The following NOB1 variants were observed in gnomAD, a reference collection of about 807,000 sequenced individuals.
The protein encoded by NOB1 is RNA-binding protein NOB1.
In NOB1, 44 loss-of-function variants were observed where a neutral mutation model predicts 44.8. The observed-to-expected ratio is 0.98, with a 90% CI of 0.77 to 1.26. The LOEUF (loss-of-function observed/expected upper bound fraction) is 1.26, where lower values mean the gene tolerates loss of function less well. Among genes scored for constraint, NOB1 ranks in the 50% most tolerant of loss-of-function variants. NOB1 has a pLI of 0.00. For synonymous variants in NOB1, 238 were observed against 218.7 expected (o/e 1.09, Z -0.78); for missense variants, 560 against 544.8 (o/e 1.03, Z -0.28).
chr16:69,748,432 G>C (rs1009154906), intron 6 of NOB1, 103 bp from the exon 7 acceptor site: 3 of 1,093,586 alleles, frequency 2.7e-6, no homozygotes, highest in Non-Finnish European at 4.0e-6. Context: ...ATATTCCTTG[G>C]CTTTTGCGAA....
chr16:69,749,506 T>C (rs1450076825), intron 4 of NOB1, 53 bp downstream of exon 4: 6 of 1,558,366 alleles, frequency 3.9e-6, no homozygotes, highest in Admixed American at 3.5e-5. Flanking sequence ...CTTAGAGAGA[T>C]GTGACATGTT....
In NOB1 at chr16:69,742,113, C is replaced by T. The variant is rs552457141; in HGVS notation, c.*219G>A. 3 of 516,606 alleles carry T rather than the reference C, an allele frequency of 5.8e-6. No individual in the cohort carries two copies. The highest frequency in any genetic ancestry group is 1.9e-5 in the African/African-American group (1 of 52,002). 32.0% of individuals were successfully genotyped at this position (516,606 alleles called of 1,614,324 possible). ...TGTTCTTTCTGTTTTTATGCAATTG[C>T]ACTTCCTTGGCAGGCAGCCAGGCGC... On this transcript the variant is annotated 3_prime_UTR_variant, in exon 9 of 9. Transcript: ENST00000268802.
chr16:69,749,176 T>A (rs943770299), intron 5 of NOB1, 37 bp downstream of exon 5: 3 of 1,613,114 alleles, frequency 1.9e-6, no homozygotes, highest in African/African-American at 2.7e-5. Context: ...GAGGAGAAGT[T>A]GAGCTGTCGT....
chr16:69,749,155 C>A, intron 5 of NOB1, 37 bp from the exon 6 acceptor site: 1 of 1,612,246 alleles, frequency 6.2e-7, no homozygotes, highest in South Asian at 1.1e-5. Flanking sequence ...TCCCAACCCA[C>A]AGGAGCAGTG....
rs202231111 is a variant in NOB1, at chr16:69,742,537, C to A, written c.1034G>T (p.Arg345Leu). The A allele has an allele frequency of 3.7e-6, 6 of 1,614,090 alleles. No individual in the cohort carries two copies. Among genetic ancestry groups the A allele is most frequent in the East Asian group, 2.2e-5 (1 of 44,882 alleles). The change falls in exon 9 of 9, where the codon CGC (arginine) becomes CTC (leucine). Residue 345 changes from arginine to leucine, a missense_variant. Arg to Leu is a moderately radical substitution (Grantham distance 102, BLOSUM62 -2). Transcript: ENST00000268802. ...TTGGGAGAGTCGCAGCTGAGGGAAG[C>A]GCTGATCCTCGGTGAGATGGGGGTT... ...AINPHLTEDQ[R>L]FPQLRLSQKA... is the part of the protein sequence containing the mutation.
chr16:69,753,881 A>G (rs990630607), intron 2 of NOB1, among the ~76,000 whole-genome samples: 9 of 152,032 alleles, frequency 5.9e-5, no homozygotes, highest in Admixed American at 5.9e-4. Flanking sequence ...ATCTCGGCTC[A>G]CTGCAACCTC....
chr16:69,743,729 G>A (rs768185443), intron 8 of NOB1, among the ~76,000 whole-genome samples: 2 of 152,192 alleles, frequency 1.3e-5, no homozygotes, highest in African/African-American at 2.4e-5. Flanking sequence ...AAAATGCAAC[G>A]TTTCATCCTA....
In NOB1 at chr16:69,749,236, C is replaced by T. The variant is rs2064555995; in HGVS notation, c.502G>A (p.Asp168Asn). ...MFWRNPLPNIDHELQELLIDR... is the reference protein window; with the variant it reads ...MFWRNPLPNINHELQELLIDR... Reference sequence around the variant, plus strand: ...ACCAGCAGCTCCTGCAGTTCATGATCGATGTTGGGCAAAGGGTTTCTCCAG... The same window carrying T: ...ACCAGCAGCTCCTGCAGTTCATGATTGATGTTGGGCAAAGGGTTTCTCCAG... Residue 168 changes from aspartate (D) to asparagine (N), a missense_variant, in exon 5 of 9, where the codon GAT becomes AAT. Physicochemically the swap from Asp to Asn is conservative, Grantham distance 23. Transcript: ENST00000268802. 5.0e-6 allele frequency: 8 copies of T among 1,613,210 alleles called. No homozygotes were observed. Among genetic ancestry groups the T allele is most frequent in the East Asian group, 2.2e-5 (1 of 44,890 alleles).
intron 7 of NOB1, among the ~76,000 whole-genome samples, chr16:69,746,119 C>T (rs12921782): frequency 0.44 from 66,709 of 152,026 alleles, 17,362 homozygotes; most frequent in Non-Finnish European, 0.58. Context: ...GCTGGCGGGG[C>T]GGGGCCCCAA....
chr16:69,751,250 C>A lies in NOB1; in HGVS notation c.327+991G>T, dbSNP rs138835079. ...CTCAAATGCCTAGGTTCAAGTAATGCTCCTGCCTTGGCCTCCCAAAGCCCT... is the reference window on the plus strand; with the variant it reads ...CTCAAATGCCTAGGTTCAAGTAATGATCCTGCCTTGGCCTCCCAAAGCCCT... On this transcript the variant is annotated intron_variant, in intron 3 of 8. Coordinates refer to ENST00000268802, the MANE Select transcript of NOB1 (RefSeq NM_014062.3). Among the ~76,000 whole-genome samples the A allele has an allele frequency of 4.3e-3, 659 of 152,240 alleles. 8 individuals are homozygous for A. Among genetic ancestry groups the A allele is most frequent in the Non-Finnish European group, 7.7e-3 (521 of 68,022 alleles).
rs2038386556 is a variant in NOB1 at position 69,742,142 on chromosome 16, G to A, written c.*190C>T. 11 of 613,230 alleles carry A rather than the reference G, an allele frequency of 1.8e-5. No homozygotes were observed. Among genetic ancestry groups the A allele is most frequent in the South Asian group, 8.4e-5 (3 of 35,842 alleles). The allele number at this position is 613,230 out of a possible 1,614,324, so 38.0% of individuals were successfully genotyped here. ...TCCTTGGCAGGCAGCCAGGCGCTCC[G>A]GTGCTCACAGGCCATGGGACAGTCC... On this transcript the variant is annotated 3_prime_UTR_variant, in exon 9 of 9. Coordinates refer to ENST00000268802, the MANE Select transcript of NOB1 (RefSeq NM_014062.3).
chr16:69,749,183 T>C, intron 5 of NOB1, 30 bp downstream of exon 5: 1 of 1,613,084 alleles, frequency 6.2e-7, no homozygotes. Flanking sequence ...AGTTGAGCTG[T>C]CGTCAGAAGA....
chr16:69,742,710 C>T, intron 8 of NOB1, 109 bp from the exon 9 acceptor site: 1 of 1,159,002 alleles, frequency 8.6e-7, no homozygotes, highest in Non-Finnish European at 1.3e-6. Flanking sequence ...AGGCAGATGA[C>T]AGCGGGTGGT....
chr16:69,748,367 T>G (rs1329343678), intron 6 of NOB1, 38 bp from the exon 7 acceptor site: 1 of 1,564,346 alleles, frequency 6.4e-7, no homozygotes, highest in African/African-American at 1.4e-5. Flanking sequence ...AATTTTCTTT[T>G]CACATTTCAT....
intron 8 of NOB1, among the ~76,000 whole-genome samples, chr16:69,743,794 GAAC>G (rs1198967000): frequency 2.6e-5 from 4 of 152,180 alleles, no homozygotes; most frequent in Non-Finnish European, 5.9e-5. Context: ...GAAATTTGTG[GAAC>G]AACTGGCAAA....
intron 8 of NOB1, among the ~76,000 whole-genome samples, chr16:69,743,605 C>T (rs1348228997): frequency 1.3e-5 from 2 of 152,148 alleles, no homozygotes; most frequent in Non-Finnish European, 2.9e-5. Flanking sequence ...AAATACCAGA[C>T]ACACGCAAGG....
At chr16:69,746,441 C>T (rs1427171198) in intron 7 of NOB1, among the ~76,000 whole-genome samples, 1 of 152,256 alleles carries the variant, frequency 6.6e-6, no homozygotes, top group Non-Finnish European at 1.5e-5. Flanking sequence ...TACAGAACAC[C>T]AGCCTGACCC....
Position 69,742,442 on chromosome 16 carries a change from C to T in NOB1, c.1129G>A (p.Asp377Asn), listed in dbSNP as rs368680835. ...IAGVSPFVEN[D>N]ISSRSATLQV... ...AGGGTAGCTGAGCGGCTGGAGATGTCATTCTCGACAAAGGGTGACACCCCG... is the reference window on the plus strand; with the variant it reads ...AGGGTAGCTGAGCGGCTGGAGATGTTATTCTCGACAAAGGGTGACACCCCG... Residue 377 changes from aspartate (D) to asparagine (N), a missense_variant, in exon 9 of 9, where the codon GAC becomes AAC. Transcript: ENST00000268802. The T allele has an allele frequency of 1.4e-5, 23 of 1,614,110 alleles. No individual in the cohort carries two copies. The highest frequency in any genetic ancestry group is 1.9e-5 in the Non-Finnish European group (23 of 1,180,058).
At chr16:69,754,093 C>A (rs540984290) in intron 2 of NOB1, among the ~76,000 whole-genome samples, 1 of 152,332 alleles carries the variant, frequency 6.6e-6, no homozygotes, top group African/African-American at 2.4e-5. Context: ...CGTAAGCCAC[C>A]GCGCCCAGCT....
Sources: allele counts gnomAD v4.1 joint callset (sites outside exome capture counted in the v4.1 genomes callset), GRCh38; gene constraint gnomAD v4.1.1; transcripts MANE v1.5; gene names NCBI Gene and HGNC (gene_info 2026-07-23, HGNC 2026-07-21).